USP6NL: variants seen among roughly 807,000 people sequenced by gnomAD.
The protein encoded by USP6NL is USP6 N-terminal like.
USP6NL carries 26 observed loss-of-function variants against 61.9 expected under a neutral mutation model. The ratio of observed to expected loss-of-function variants is 0.42; its 90% CI spans 0.31 to 0.58. The LOEUF (loss-of-function observed/expected upper bound fraction) is 0.58. Among genes scored for constraint, USP6NL ranks in the 20% least tolerant of loss-of-function variants. USP6NL has a pLI of 0.16. For missense variants in USP6NL, 1,114 were observed against 1,034.3 expected (o/e 1.08, Z -1.06); for synonymous variants, 432 against 390.1 (o/e 1.11, Z -1.27).
chr10:11,508,942 G>T (rs1284770767), intron 6 of USP6NL, among the ~76,000 whole-genome samples: 1 of 152,126 alleles, frequency 6.6e-6, no homozygotes, highest in African/African-American at 2.4e-5. Flanking sequence ...GATGATATTT[G>T]ACCTTTCAAA....
chr10:11,604,156 A>G (rs983137409), intron 1 of USP6NL, among the ~76,000 whole-genome samples: 1 of 152,190 alleles, frequency 6.6e-6, no homozygotes, highest in Non-Finnish European at 1.5e-5. Flanking sequence ...GTGTGCTGGT[A>G]AACTAAATAT....
At chr10:11,551,027 C>T (rs1420937567) in intron 2 of USP6NL, among the ~76,000 whole-genome samples, 1 of 152,036 alleles carries the variant, frequency 6.6e-6, no homozygotes, top group Non-Finnish European at 1.5e-5. Flanking sequence ...CTGCAGCATG[C>T]GTGAAAATAC....
intron 6 of USP6NL, among the ~76,000 whole-genome samples, chr10:11,502,581 G>A (rs1834246999): frequency 6.6e-6 from 1 of 152,158 alleles, no homozygotes; most frequent in African/African-American, 2.4e-5. Context: ...TAAGATGCCA[G>A]TTCTAATAAT....
At chr10:11,504,028 C>T (rs1220098271) in intron 6 of USP6NL, among the ~76,000 whole-genome samples, 2 of 151,924 alleles carry the variant, frequency 1.3e-5, no homozygotes, top group African/African-American at 4.8e-5. Context: ...TATAATTACA[C>T]CAAAAACTTA....
At chr10:11,555,432 A>T (rs67533947) in intron 2 of USP6NL, among the ~76,000 whole-genome samples, 1 of 74,844 alleles carries the variant, frequency 1.3e-5, no homozygotes, top group African/African-American at 5.6e-5. Flanking sequence ...AAAAAAAAAA[A>T]AATATATATA....
chr10:11,601,913 C>A (rs754844672), intron 1 of USP6NL, among the ~76,000 whole-genome samples: 1 of 152,074 alleles, frequency 6.6e-6, no homozygotes, highest in Non-Finnish European at 1.5e-5. Context: ...ATAATCCCAG[C>A]TCATTTTTTC....
Position 11,534,512 on chromosome 10 carries a change from G to C in USP6NL, c.5-6945C>G, listed in dbSNP as rs113001333. Among the ~76,000 whole-genome samples the C allele has an allele frequency of 4.5e-4, 68 of 152,274 alleles. 1 individual carries two copies. Among genetic ancestry groups the C allele is most frequent in the African/African-American group, 1.6e-3 (68 of 41,540 alleles). On this transcript the variant is annotated intron_variant, in intron 2 of 14. Transcript: ENST00000609104. ...AACATAAGGTGTCTTAGAAGAGAGT[G>C]GATTCTAGGCAACACAAAGATCATG...
At chr10:11,555,092 GTTT>G (rs1218851928) in intron 2 of USP6NL, among the ~76,000 whole-genome samples, 2 of 114,332 alleles carry the variant, frequency 1.7e-5, no homozygotes, top group Non-Finnish European at 1.7e-5. Flanking sequence ...CGCCTGGCCT[GTTT>G]TTTTTTTTTT....
intron 1 of USP6NL, among the ~76,000 whole-genome samples, chr10:11,601,643 G>T (rs917400781): frequency 6.6e-6 from 1 of 152,098 alleles, no homozygotes; most frequent in African/African-American, 2.4e-5. Flanking sequence ...ATATATAAAG[G>T]GGTTAAATGC....
intron 2 of USP6NL, among the ~76,000 whole-genome samples, chr10:11,538,145 A>G (rs1265766942): frequency 4.6e-5 from 7 of 152,192 alleles, no homozygotes; most frequent in Admixed American, 4.6e-4. Context: ...GTCAGCTTCT[A>G]TTATTTGCTT....
intron 1 of USP6NL, among the ~76,000 whole-genome samples, chr10:11,609,358 C>A (rs760569576): frequency 1.8e-4 from 27 of 152,176 alleles, no homozygotes; most frequent in Non-Finnish European, 3.8e-4. Context: ...TGAGCCACTG[C>A]AACCCGCCAG....
At chr10:11,610,216 T>C (rs959213377) in intron 1 of USP6NL, among the ~76,000 whole-genome samples, 3 of 152,212 alleles carry the variant, frequency 2.0e-5, no homozygotes, top group African/African-American at 2.4e-5. Flanking sequence ...CTACGTAGAA[T>C]ACAACATGGC....
Position 11,575,659 on chromosome 10 carries a change from A to C in USP6NL, c.4+21972T>G, listed in dbSNP as rs1225919530. On this transcript the variant is annotated intron_variant, in intron 2 of 14. Transcript: ENST00000609104. This position sits in a 1 kb window ranked among gnomAD's most constrained non-coding sequence, Gnocchi z 4.2. ...GCAATCACTTTGAACACATTGGTTC[A>C]CTACTGTCAATGCTTAGCTTCTGCT... is the stretch of plus-strand genomic sequence containing the variant. Among the ~76,000 whole-genome samples the C allele has an allele frequency of 1.3e-5, 2 of 152,226 alleles. No individual in the cohort carries two copies. Among genetic ancestry groups the C allele is most frequent in the Non-Finnish European group, 2.9e-5 (2 of 68,038 alleles).
At chr10:11,563,082 C>T (rs1370769220) in intron 2 of USP6NL, 1 of 152,138 alleles carries the variant, frequency 6.6e-6, no homozygotes, top group Non-Finnish European at 1.5e-5. Flanking sequence ...AACTCTGGTA[C>T]ATCCATACTG....
rs1838106824 is a variant in USP6NL, at chr10:11,589,934, G to C, written c.4+7697C>G. Among the ~76,000 whole-genome samples the C allele has an allele frequency of 6.6e-6, 1 of 152,146 alleles. No individual in the cohort carries two copies. Among genetic ancestry groups the C allele is most frequent in the African/African-American group, 2.4e-5 (1 of 41,424 alleles). Reference sequence around the variant, plus strand: ...TCAGTTTCTAAATTCAGAGGGAAAAGACAGCACTCTACTACCAACTGCCTG... The same window carrying C: ...TCAGTTTCTAAATTCAGAGGGAAAACACAGCACTCTACTACCAACTGCCTG... On this transcript the variant is annotated intron_variant, in intron 2 of 14. Coordinates refer to ENST00000609104, the MANE Select transcript of USP6NL (RefSeq NM_014688.5). The surrounding 1 kb of genome is among the most constrained non-coding windows in gnomAD (Gnocchi z 4.7).
At position 11,562,144 on chromosome 10, in the gene USP6NL, G is replaced by C. The variant is rs553623611; in HGVS notation, c.5-34577C>G. Among the ~76,000 whole-genome samples the C allele has an allele frequency of 6.6e-6, 1 of 152,042 alleles. No individual in the cohort carries two copies. The highest frequency in any genetic ancestry group is 1.5e-5 in the Non-Finnish European group (1 of 68,008). On this transcript the variant is annotated intron_variant, in intron 2 of 14. Coordinates refer to ENST00000609104, the MANE Select transcript of USP6NL (RefSeq NM_014688.5). This position sits in a 1 kb window ranked among gnomAD's most constrained non-coding sequence, Gnocchi z 4.8. The stretch of plus-strand genomic sequence containing the variant: ...AAATACAAAAAATTAGCTGGATGTG[G>C]TGGCTGGCGCCTGTAATCCCAGCTA...
rs2133658753 is a variant in USP6NL at position 11,595,838 on chromosome 10, C to G, written c.4+1793G>C. 6.6e-6 allele frequency among the ~76,000 whole-genome samples: 1 copy of G among 152,152 alleles called. No homozygotes were observed. Among genetic ancestry groups the G allele is most frequent in the East Asian group, 1.9e-4 (1 of 5,180 alleles). On this transcript the variant is annotated intron_variant, in intron 2 of 14. Transcript: ENST00000609104. This position sits in a 1 kb window ranked among gnomAD's most constrained non-coding sequence, Gnocchi z 5.3. ...AAAGATCCACAAAGAGATAAAATAACAGAACCAATTGTTTTAAGTGGACAT... is the reference window on the plus strand; with the variant it reads ...AAAGATCCACAAAGAGATAAAATAAGAGAACCAATTGTTTTAAGTGGACAT...
At chr10:11,541,242 TA>T (rs1755112926) in intron 2 of USP6NL, among the ~76,000 whole-genome samples, 1 of 113,752 alleles carries the variant, frequency 8.8e-6, no homozygotes, top group Non-Finnish European at 1.8e-5. Flanking sequence ...TATATATATA[TA>T]TATATATATA....
At chr10:11,502,947 A>C (rs1184448642) in intron 6 of USP6NL, among the ~76,000 whole-genome samples, 1 of 152,232 alleles carries the variant, frequency 6.6e-6, no homozygotes, top group Non-Finnish European at 1.5e-5. Flanking sequence ...CCATAAAACT[A>C]GACTCGCAAC....
Sources: gnomAD v4.1 joint callset for allele counts (sites outside exome capture counted in the v4.1 genomes callset) on GRCh38, gnomAD v4.1.1 for gene constraint, Gnocchi (gnomAD v3.1) non-coding constraint, MANE v1.5 for transcripts, NCBI Gene and HGNC (gene_info 2026-07-23, HGNC 2026-07-21) for gene names.